Variants in SETDB1 observed in about 807,000 individuals in gnomAD.
SETDB1 encodes the protein SET domain bifurcated histone lysine methyltransferase 1, also known as histone-lysine N-methyltransferase SETDB1.
Under a neutral mutation model 137.4 loss-of-function variants are expected in SETDB1, and 31 were observed. The ratio of observed to expected loss-of-function variants is 0.23; its 90% confidence interval spans 0.17 to 0.30. SETDB1 has a LOEUF of 0.30. Ranked by LOEUF, SETDB1 falls within the 10% of genes least tolerant of loss-of-function variation. The pLI is 1.00. For synonymous variants in SETDB1, 548 were observed against 579.9 expected (o/e 0.95, Z 0.79); for missense variants, 1,113 against 1,631.5 (o/e 0.68, Z 5.47).
chr1:150,949,568 T>A, intron 12 of SETDB1, 43 bp downstream of exon 12: 1 of 1,582,776 alleles, frequency 6.3e-7, no homozygotes, highest in Non-Finnish European at 8.7e-7. Flanking sequence ...TAGCAATGAG[T>A]GGTCACTGTG....
intron 14 of SETDB1, among the ~76,000 whole-genome samples, chr1:150,955,344 A>G (rs1670607875): frequency 6.6e-6 from 1 of 152,064 alleles, no homozygotes; most frequent in Non-Finnish European, 1.5e-5. Context: ...TGCTGTTTGG[A>G]TTTTATTCTG....
intron 14 of SETDB1, among the ~76,000 whole-genome samples, chr1:150,955,793 A>G (rs1213466735): frequency 2.0e-5 from 3 of 152,212 alleles, no homozygotes; most frequent in African/African-American, 7.2e-5. Flanking sequence ...TGCCTGGCAC[A>G]TAGTAATCAC....
intron 10 of SETDB1, among the ~76,000 whole-genome samples, chr1:150,947,967 C>T (rs1044966423): frequency 6.6e-6 from 1 of 151,620 alleles, no homozygotes; most frequent in Non-Finnish European, 1.5e-5. Flanking sequence ...CATGGTGGCT[C>T]GTGTCTGTAG....
At chr1:150,951,218 CCTG>C in intron 13 of SETDB1, 128 bp downstream of exon 13, 1 of 1,221,028 alleles carries the variant, frequency 8.2e-7, no homozygotes, top group Non-Finnish European at 1.2e-6. Context: ...ACCTGGAACT[CCTG>C]CTATAAGGCC....
chr1:150,960,905 A>AC lies in SETDB1; in HGVS notation c.2852dup (p.Asp952ArgfsTer39), dbSNP rs1220025296. The AC allele has an allele frequency of 6.3e-7, 1 of 1,581,334 alleles. No individual in the cohort carries two copies. The highest frequency in any genetic ancestry group is 8.7e-7 in the Non-Finnish European group (1 of 1,151,072). On this transcript the variant is annotated frameshift_variant, in exon 16 of 22. Coordinates refer to ENST00000692827, the MANE Select transcript of SETDB1 (RefSeq NM_001366418.1). LOFTEE classifies it high-confidence loss of function. The stretch of plus-strand genomic sequence containing the variant: ...TCTGAGACAACTTCCAAGGACTCCC[A>AC]CCCCCCAGATCTTGGACCCCCACAT...
chr1:150,955,395 C>G (rs1446978232), intron 14 of SETDB1, among the ~76,000 whole-genome samples: 3 of 152,214 alleles, frequency 2.0e-5, no homozygotes, highest in Non-Finnish European at 2.9e-5. Context: ...TTTCCTGTCT[C>G]CCTCCAAAGT....
chr1:150,940,991 C>T (rs1024849950), intron 4 of SETDB1, among the ~76,000 whole-genome samples: 9 of 146,648 alleles, frequency 6.1e-5, no homozygotes, highest in African/African-American at 1.3e-4. Context: ...GAGCCAGACT[C>T]CATCTCAAAA....
chr1:150,931,842 T>A (rs1430812776), intron 3 of SETDB1, among the ~76,000 whole-genome samples: 1 of 151,810 alleles, frequency 6.6e-6, no homozygotes, highest in African/African-American at 2.4e-5. Flanking sequence ...ATGTCATTTA[T>A]TAAATTAAAG....
intron 14 of SETDB1, among the ~76,000 whole-genome samples, chr1:150,955,152 T>G (rs904438504): frequency 1.1e-4 from 16 of 152,250 alleles, no homozygotes; most frequent in Non-Finnish European, 2.4e-4. Context: ...CATTGCTGTA[T>G]CATGTATGTT....
intron 3 of SETDB1, 95 bp from the exon 4 acceptor site, chr1:150,939,845 C>T (rs1265027261): frequency 3.8e-6 from 3 of 796,440 alleles, no homozygotes; most frequent in Non-Finnish European, 6.3e-6. Context: ...TGATAATGCT[C>T]CCATAATAAT....
intron 3 of SETDB1, 25 bp downstream of exon 3, chr1:150,930,143 G>A (rs1669678405): frequency 4.4e-6 from 7 of 1,597,618 alleles, no homozygotes; most frequent in Non-Finnish European, 5.1e-6. Context: ...TTGGATAGGA[G>A]AGTCTCAGGA....
At chr1:150,945,797 C>T (rs1195144592) in intron 9 of SETDB1, among the ~76,000 whole-genome samples, 2 of 152,060 alleles carry the variant, frequency 1.3e-5, no homozygotes, top group East Asian at 3.9e-4. Context: ...GATCTCGGCT[C>T]ACTGCATCTT....
chr1:150,936,833 A>AG (rs1408347190), intron 3 of SETDB1, among the ~76,000 whole-genome samples: 1 of 152,180 alleles, frequency 6.6e-6, no homozygotes, highest in African/African-American at 2.4e-5. Flanking sequence ...TAAAAAAAAA[A>AG]AAATTTGTAG....
At position 150,962,946 on chromosome 1, in the gene SETDB1, CTTACTTCTT is replaced by C; in HGVS notation, c.3295-27_3295-19del. 1 of 1,608,540 alleles carries C rather than the reference CTTACTTCTT, an allele frequency of 6.2e-7. No individual in the cohort carries two copies. Among genetic ancestry groups the C allele is most frequent in the Non-Finnish European group, 8.5e-7 (1 of 1,176,210 alleles). On this transcript the variant is annotated intron_variant, in intron 18 of 21. Coordinates refer to ENST00000692827, the MANE Select transcript of SETDB1 (RefSeq NM_001366418.1). ...AAAGGAGCCCTTCCCATTTACTTCTCTTACTTCTTACCCTCCTGCTTCCCCAGGATGTCC... is the reference window on the plus strand; with the variant it reads ...AAAGGAGCCCTTCCCATTTACTTCTCACCCTCCTGCTTCCCCAGGATGTCC...
chr1:150,964,444 G>T lies in SETDB1; in HGVS notation c.*80G>T, dbSNP rs768362416. 3.0e-6 allele frequency: 3 copies of T among 1,016,068 alleles called. No individual in the cohort carries two copies. Among genetic ancestry groups the T allele is most frequent in the Admixed American group, 3.9e-5 (2 of 51,030 alleles). The allele number at this position is 1,016,068 out of a possible 1,614,324, so 62.9% of individuals were successfully genotyped here. On this transcript the variant is annotated 3_prime_UTR_variant, in exon 22 of 22. Transcript: ENST00000692827. Reference sequence around the variant, plus strand: ...CTTCCTGATTGTTGAACCCTGACCCGAAGTCTCTGGGCTAGCTACTCCCCC... The same window carrying T: ...CTTCCTGATTGTTGAACCCTGACCCTAAGTCTCTGGGCTAGCTACTCCCCC...
chr1:150,929,169 A>T (rs1669642277), intron 2 of SETDB1, among the ~76,000 whole-genome samples: 1 of 152,120 alleles, frequency 6.6e-6, no homozygotes, highest in African/African-American at 2.4e-5. Flanking sequence ...GAATCGCCAC[A>T]CTGTCTTCCA....
At chr1:150,963,953 A>G (rs1280010667) in intron 20 of SETDB1, 42 bp from the exon 21 acceptor site, 1 of 1,574,666 alleles carries the variant, frequency 6.4e-7, no homozygotes, top group Non-Finnish European at 8.7e-7. Context: ...AGCCAGGTTC[A>G]GTTTCCCTGG....
intron 3 of SETDB1, among the ~76,000 whole-genome samples, chr1:150,938,495 A>C (rs1465349507): frequency 6.6e-6 from 1 of 151,992 alleles, no homozygotes. Flanking sequence ...ACTGAATTAC[A>C]CTTATTTTTT....
intron 14 of SETDB1, among the ~76,000 whole-genome samples, chr1:150,957,144 C>G (rs924417503): frequency 6.6e-6 from 1 of 151,298 alleles, no homozygotes; most frequent in African/African-American, 2.4e-5. Flanking sequence ...GAGGTCGAAG[C>G]AGGTGGATCA....
Sources: gnomAD v4.1 joint callset for allele counts (sites outside exome capture counted in the v4.1 genomes callset) on GRCh38, gnomAD v4.1.1 for gene constraint, MANE v1.5 for transcripts, NCBI Gene and HGNC (gene_info 2026-07-23, HGNC 2026-07-21) for gene names.